FRYL: variants seen among roughly 807,000 people sequenced by gnomAD.
FRYL encodes protein furry homolog-like.
In FRYL, 150 loss-of-function variants were observed where a neutral mutation model predicts 351.2. That is an observed-to-expected ratio of 0.43 (90% CI 0.37 to 0.49). The LOEUF (loss-of-function observed/expected upper bound fraction) is 0.49, where lower values mean the gene tolerates loss of function less well. Among genes scored for constraint, FRYL ranks in the 20% least tolerant of loss-of-function variants. The pLI, the probability that FRYL is intolerant of heterozygous loss-of-function variation, is 0.00. For missense variants in FRYL, 3,036 were observed against 3,619.3 expected (o/e 0.84, Z 4.13); for synonymous variants, 1,153 against 1,257.1 (o/e 0.92, Z 1.75).
At position 48,589,856 on chromosome 4, in the gene FRYL, T is replaced by G; in HGVS notation, c.1529A>C (p.Gln510Pro). ...GATGCTATCTAATGCTTTTCTTACTTGAGGATAGTAAACTGACATTCCTAG... is the reference window on the plus strand; with the variant it reads ...GATGCTATCTAATGCTTTTCTTACTGGAGGATAGTAAACTGACATTCCTAG... ...KVIGMSVYYP[Q>P]VRKALDSILR... is the part of the protein sequence containing the mutation. The change falls in exon 18 of 64, where the codon CAA (glutamine) becomes CCA (proline). Residue 510 changes from glutamine (Q) to proline (P), a missense_variant. By Grantham distance (76) the Gln-to-Pro change is moderately conservative. Around this residue, in one of 7 missense-constraint regions of FRYL, gnomAD observed 78 missense variants for 106.6 expected, o/e 0.73. Transcript: ENST00000358350. The G allele has an allele frequency of 1.2e-6, 2 of 1,613,170 alleles. No homozygotes were observed. Among genetic ancestry groups the G allele is most frequent in the Non-Finnish European group, 1.7e-6 (2 of 1,179,348 alleles).
intron 1 of FRYL, among the ~76,000 whole-genome samples, chr4:48,776,191 T>A (rs1429022486): frequency 1.3e-5 from 2 of 151,498 alleles, no homozygotes; most frequent in African/African-American, 2.4e-5. Context: ...TCTCCCTTTG[T>A]TGCCCATACT....
intron 11 of FRYL, among the ~76,000 whole-genome samples, chr4:48,604,443 GATCGGGAAGACCCTAATCCACAT>G (rs1746328561): frequency 6.6e-6 from 1 of 152,190 alleles, no homozygotes. Flanking sequence ...ATTAAGTTAG[GATCGGGAAGACCCTAATCCACAT>G]GACTGGTGTC....
intron 3 of FRYL, chr4:48,681,023 G>C (rs1318975218): frequency 1.3e-5 from 17 of 1,285,444 alleles, no homozygotes; most frequent in Non-Finnish European, 1.7e-5. Context: ...AGTGAGCTAA[G>C]ACGTTTCATC....
At chr4:48,551,873 T>C (rs1307124477) in intron 36 of FRYL, among the ~76,000 whole-genome samples, 2 of 152,076 alleles carry the variant, frequency 1.3e-5, no homozygotes, top group African/African-American at 4.8e-5. Context: ...TTCCAAAAGG[T>C]AGCATCGAGA....
At chr4:48,510,219 A>G in intron 58 of FRYL, 62 bp from the exon 59 acceptor site, 1 of 1,208,938 alleles carries the variant, frequency 8.3e-7, no homozygotes, top group East Asian at 2.3e-5. Context: ...AGACTCACAA[A>G]ATCATGAGAC....
chr4:48,623,310 T>C, intron 4 of FRYL, 131 bp from the exon 5 acceptor site: 1 of 563,016 alleles, frequency 1.8e-6, no homozygotes, highest in Non-Finnish European at 3.0e-6. Flanking sequence ...TACTAGATTG[T>C]TTTAAAGAAA....
chr4:48,638,640 A>G (rs1364370311), intron 3 of FRYL: 5 of 152,194 alleles, frequency 3.3e-5, no homozygotes, highest in African/African-American at 1.2e-4. Context: ...TCATTCTACT[A>G]TAAAGACGCA....
intron 3 of FRYL, among the ~76,000 whole-genome samples, 184 bp downstream of exon 3, chr4:48,684,489 A>T (rs1764961274): frequency 1.3e-5 from 2 of 152,210 alleles, no homozygotes. Context: ...GAAATGCCAC[A>T]AAGCCTTGTT....
intron 3 of FRYL, among the ~76,000 whole-genome samples, chr4:48,664,241 T>C (rs1291852655): frequency 4.6e-5 from 7 of 152,156 alleles, no homozygotes; most frequent in African/African-American, 1.4e-4. Flanking sequence ...AAGAAGGGTT[T>C]TGAGATCAGA....
At chr4:48,570,443 A>G (rs1164240006) in intron 27 of FRYL, among the ~76,000 whole-genome samples, 3 of 152,198 alleles carry the variant, frequency 2.0e-5, no homozygotes. Flanking sequence ...TAGCCTGTGA[A>G]TATATTATTT....
chr4:48,736,464 A>G (rs1286649686), intron 1 of FRYL, among the ~76,000 whole-genome samples: 2 of 152,154 alleles, frequency 1.3e-5, no homozygotes, highest in Admixed American at 1.3e-4. Context: ...TTAACTAAGA[A>G]AAAAAGAGAC....
intron 35 of FRYL, 49 bp from the exon 36 acceptor site, chr4:48,553,432 C>T (rs201705678): frequency 7.3e-7 from 1 of 1,367,852 alleles, no homozygotes; most frequent in Non-Finnish European, 1.0e-6. Flanking sequence ...GTTTTTATCT[C>T]ATTAATTTCT....
At chr4:48,512,221 T>C (rs930410225) in intron 57 of FRYL, among the ~76,000 whole-genome samples, 1 of 152,190 alleles carries the variant, frequency 6.6e-6, no homozygotes, top group African/African-American at 2.4e-5. Context: ...TGCCTAAGCA[T>C]ACTGCAGAAA....
At chr4:48,694,648 T>C (rs1765982964) in intron 2 of FRYL, among the ~76,000 whole-genome samples, 2 of 152,214 alleles carry the variant, frequency 1.3e-5, no homozygotes, top group South Asian at 2.1e-4. Flanking sequence ...TAATATGATA[T>C]ATTGGAAATA....
intron 55 of FRYL, among the ~76,000 whole-genome samples, chr4:48,517,887 T>G (rs1016145951): frequency 6.6e-6 from 1 of 152,238 alleles, no homozygotes; most frequent in Non-Finnish European, 1.5e-5. Flanking sequence ...ATATTCTTTG[T>G]CTTAAGAAGT....
At chr4:48,633,166 G>T (rs1368352422) in intron 4 of FRYL, among the ~76,000 whole-genome samples, 2 of 152,066 alleles carry the variant, frequency 1.3e-5, no homozygotes, top group Admixed American at 1.3e-4. Flanking sequence ...CCAGCCCAAA[G>T]AGTAACCTAA....
chr4:48,528,128 T>C (rs1358064160), intron 51 of FRYL, 47 bp downstream of exon 51: 1 of 1,578,674 alleles, frequency 6.3e-7, no homozygotes, highest in Non-Finnish European at 8.6e-7. Flanking sequence ...ATAACAAAAC[T>C]GATTCTTCTG....
chr4:48,538,703 G>C (rs1301871383), intron 47 of FRYL, among the ~76,000 whole-genome samples: 1 of 151,272 alleles, frequency 6.6e-6, no homozygotes, highest in Non-Finnish European at 1.5e-5. Flanking sequence ...GTTCTCTTCT[G>C]TAGAAAAAAA....
chr4:48,593,215 A>T (rs969516604), intron 16 of FRYL, among the ~76,000 whole-genome samples: 1 of 149,230 alleles, frequency 6.7e-6, no homozygotes, highest in African/African-American at 2.5e-5. Flanking sequence ...TGAATGAATG[A>T]GATTTATTGA....
Sources: gnomAD v4.1 joint callset for allele counts (sites outside exome capture counted in the v4.1 genomes callset) on GRCh38, gnomAD v4.1.1 for gene constraint, gnomAD v4.1.1 regional missense constraint, MANE v1.5 for transcripts, NCBI Gene and HGNC (gene_info 2026-07-23, HGNC 2026-07-21) for gene names.